Variants in SMURF2 observed in about 807,000 individuals in gnomAD.
SMURF2 encodes SMAD specific E3 ubiquitin protein ligase 2, also known as E3 ubiquitin-protein ligase SMURF2.
In SMURF2, 48 loss-of-function variants were observed where a neutral mutation model predicts 109.6. That is an observed-to-expected ratio of 0.44 (90% confidence interval 0.35 to 0.56). SMURF2 has a LOEUF of 0.56. Among genes scored for constraint, SMURF2 ranks in the 20% least tolerant of loss-of-function variants. SMURF2 has a pLI of 0.01. For missense variants in SMURF2, 575 were observed against 909.0 expected (o/e 0.63, Z 4.72); for synonymous variants, 288 against 317.1 (o/e 0.91, Z 0.97).
intron 1 of SMURF2, among the ~76,000 whole-genome samples, chr17:64,629,365 A>G (rs1555691410): frequency 6.6e-6 from 1 of 152,122 alleles, no homozygotes; most frequent in Non-Finnish European, 1.5e-5. Context: ...TTAGCCAGGC[A>G]TGGTGGCGCT....
chr17:64,602,133 T>C (rs1969907049), intron 2 of SMURF2, among the ~76,000 whole-genome samples: 1 of 151,622 alleles, frequency 6.6e-6, no homozygotes, highest in African/African-American at 2.4e-5. Flanking sequence ...GCTATGAGGA[T>C]GCAAAGGCGT....
At position 64,606,656 on chromosome 17, in the gene SMURF2, AC is replaced by A. The variant is rs782453126; in HGVS notation, c.53-17del. The A allele has an allele frequency of 2.2e-5, 32 of 1,484,200 alleles. No individual in the cohort carries two copies. The highest frequency in any genetic ancestry group is 2.5e-5 in the Non-Finnish European group (27 of 1,096,282). 91.9% of individuals were successfully genotyped at this position (1,484,200 alleles called of 1,614,324 possible). A position where few individuals can be genotyped will look rare whatever the true frequency, so the allele number is the denominator to read the frequency against. On this transcript the variant is annotated splice_polypyrimidine_tract_variant and intron_variant, in intron 1 of 18. Transcript: ENST00000262435. ...GCACAGAGTACTGTAAAAAAAAAAA[AC>A]AAAAAATACATGGGAAAAATTAAAA...
In SMURF2 at chr17:64,578,551, C is replaced by T; in HGVS notation, c.798G>A (p.Gln266=). The change falls in exon 9 of 19, where the codon CAG becomes CAA. Residue 266 remains glutamine (Q), a synonymous_variant. Transcript: ENST00000262435. The part of the protein sequence containing the change: ...GYEQRTTQQG[Q]VYFLHTQTGV... The stretch of plus-strand genomic sequence containing the variant: ...CAGTCTGTGTATGTAAGAAATACAC[C>T]TGGCCTTGTTGCGTTGTCCTCTGTT... 1.9e-6 allele frequency: 3 copies of T among 1,613,306 alleles called. No homozygotes were observed. The highest frequency in any genetic ancestry group is 2.5e-6 in the Non-Finnish European group (3 of 1,179,330).
chr17:64,569,648 T>C (rs1190758366), intron 10 of SMURF2, among the ~76,000 whole-genome samples: 4 of 152,156 alleles, frequency 2.6e-5, no homozygotes, highest in Admixed American at 1.3e-4. Flanking sequence ...TGGGAAACCA[T>C]TAAACATCAT....
intron 1 of SMURF2, 112 bp downstream of exon 1, chr17:64,661,717 C>T: frequency 8.5e-6 from 6 of 706,934 alleles, no homozygotes; most frequent in Non-Finnish European, 1.1e-5. Flanking sequence ...CCCATTCCTC[C>T]GACCCCCAAC....
At chr17:64,619,278 A>G (rs782777015) in intron 1 of SMURF2, among the ~76,000 whole-genome samples, 5 of 151,988 alleles carry the variant, frequency 3.3e-5, no homozygotes, top group Non-Finnish European at 5.9e-5. Flanking sequence ...GGAGATCGAG[A>G]CCAGCCTGGC....
chr17:64,621,903 A>AAATAAATAATAATAAT (rs1555690664), intron 1 of SMURF2, among the ~76,000 whole-genome samples: 1 of 141,834 alleles, frequency 7.1e-6, no homozygotes, highest in Admixed American at 7.3e-5. Context: ...ATAAATAAAT[A>AAATAAATAATAATAAT]AATAATAATA....
At position 64,652,871 on chromosome 17, in the gene SMURF2, T is replaced by C. The variant is rs181613974; in HGVS notation, c.52+8958A>G. Among the ~76,000 whole-genome samples the C allele has an allele frequency of 5.9e-5, 9 of 151,622 alleles. No individual in the cohort carries two copies. The East Asian group carries it at 1.7e-3, about 29-fold the overall frequency. Reference sequence around the variant, plus strand: ...GGGCTACAAAAATAGAATATCCATATGAAAAAAAAATCATGACACTTACTT... The same window carrying C: ...GGGCTACAAAAATAGAATATCCATACGAAAAAAAAATCATGACACTTACTT... On this transcript the variant is annotated intron_variant, in intron 1 of 18. Transcript: ENST00000262435.
intron 4 of SMURF2, among the ~76,000 whole-genome samples, chr17:64,591,695 G>A (rs1275648141): frequency 6.6e-6 from 1 of 152,112 alleles, no homozygotes; most frequent in Non-Finnish European, 1.5e-5. Context: ...ACACTGACCT[G>A]GCCCTGAAAG....
intron 1 of SMURF2, among the ~76,000 whole-genome samples, chr17:64,652,652 A>C (rs558549625): frequency 2.0e-5 from 3 of 152,262 alleles, no homozygotes; most frequent in Admixed American, 2.0e-4. Flanking sequence ...ACACCTGGCT[A>C]ATTTTTTATT....
chr17:64,611,352 T>G (rs1555689562), intron 1 of SMURF2, among the ~76,000 whole-genome samples: 1 of 152,192 alleles, frequency 6.6e-6, no homozygotes, highest in African/African-American at 2.4e-5. Flanking sequence ...ACTCTATGGT[T>G]ATGATGATAC....
In SMURF2 at chr17:64,661,898, C is replaced by T; in HGVS notation, c.-18G>A. ...TTAGACATGTCCCCGGCGGCGGGGGCGGCGGGGGCGGCGGGCGGCACGGGG... is the reference window on the plus strand; with the variant it reads ...TTAGACATGTCCCCGGCGGCGGGGGTGGCGGGGGCGGCGGGCGGCACGGGG... On this transcript the variant is annotated 5_prime_UTR_variant, in exon 1 of 19. Transcript: ENST00000262435. 8.4e-7 allele frequency: 1 copy of T among 1,183,438 alleles called. No homozygotes were observed. The highest frequency in any genetic ancestry group is 1.0e-6 in the Non-Finnish European group (1 of 957,350). 73.3% of individuals were successfully genotyped at this position (1,183,438 alleles called of 1,614,324 possible).
intron 1 of SMURF2, among the ~76,000 whole-genome samples, chr17:64,612,138 C>T (rs572097515): frequency 1.3e-5 from 2 of 152,234 alleles, no homozygotes; most frequent in East Asian, 3.9e-4. Flanking sequence ...TCACATTTTA[C>T]TGTTCTCGTT....
At chr17:64,578,135 G>T (rs925158722) in intron 9 of SMURF2, among the ~76,000 whole-genome samples, 1 of 151,688 alleles carries the variant, frequency 6.6e-6, no homozygotes, top group South Asian at 2.1e-4. Context: ...TAGTAGAGAT[G>T]GGGTTTCACC....
chr17:64,553,122 C>A (rs1475569059), intron 15 of SMURF2, among the ~76,000 whole-genome samples: 1 of 152,104 alleles, frequency 6.6e-6, no homozygotes, highest in Non-Finnish European at 1.5e-5. Flanking sequence ...TACCCTCTTT[C>A]TCCTTCCTAT....
intron 1 of SMURF2, among the ~76,000 whole-genome samples, chr17:64,643,173 T>C (rs1970512921): frequency 1.3e-5 from 2 of 151,912 alleles, no homozygotes; most frequent in African/African-American, 2.4e-5. Context: ...CACAGGCACG[T>C]CACCATACCC....
At chr17:64,625,632 G>C (rs1555691087) in intron 1 of SMURF2, among the ~76,000 whole-genome samples, 1 of 152,100 alleles carries the variant, frequency 6.6e-6, no homozygotes, top group Non-Finnish European at 1.5e-5. Context: ...TGGTCCTCAT[G>C]GTTCTCAAAC....
At chr17:64,632,912 A>G (rs1238601432) in intron 1 of SMURF2, among the ~76,000 whole-genome samples, 1 of 152,228 alleles carries the variant, frequency 6.6e-6, no homozygotes, top group Non-Finnish European at 1.5e-5. Flanking sequence ...GGATTAAGTG[A>G]GATGACTTAG....
chr17:64,586,440 C>T (rs1969653532), intron 5 of SMURF2, among the ~76,000 whole-genome samples: 1 of 152,076 alleles, frequency 6.6e-6, no homozygotes, highest in Non-Finnish European at 1.5e-5. Flanking sequence ...AGCAGAGTCA[C>T]TACTGTACTT....
Sources: allele counts gnomAD v4.1 joint callset (sites outside exome capture counted in the v4.1 genomes callset), GRCh38; gene constraint gnomAD v4.1.1; transcripts MANE v1.5; gene names NCBI Gene and HGNC (gene_info 2026-07-23, HGNC 2026-07-21).